SKIC3: variants seen among roughly 807,000 people sequenced by gnomAD.
The protein encoded by SKIC3 is SKI3 subunit of superkiller complex.
the SKIC3 span, among the ~76,000 whole-genome samples, chr5:95,470,788 T>C: frequency 6.7e-6 from 1 of 148,610 alleles, no homozygotes; most frequent in Non-Finnish European, 1.5e-5. Flanking sequence ...TTATTCTCTC[T>C]CATATTAGGT....
the SKIC3 span, among the ~76,000 whole-genome samples, chr5:95,542,802 C>G: frequency 6.6e-6 from 1 of 152,142 alleles, no homozygotes; most frequent in Non-Finnish European, 1.5e-5. Context: ...AACTTGCACT[C>G]AAAGATAGAA....
the SKIC3 span, among the ~76,000 whole-genome samples, chr5:95,529,560 T>C: frequency 6.6e-6 from 1 of 152,192 alleles, no homozygotes; most frequent in Non-Finnish European, 1.5e-5. Flanking sequence ...TGCAGTTCTC[T>C]GAACAACAGT....
At chr5:95,494,005 T>C in the SKIC3 span, among the ~76,000 whole-genome samples, 1 of 152,042 alleles carries the variant, frequency 6.6e-6, no homozygotes, top group Non-Finnish European at 1.5e-5. Flanking sequence ...TTCTAACAGT[T>C]ACCACATAAG....
At chr5:95,542,613 T>C in the SKIC3 span, among the ~76,000 whole-genome samples, 1 of 152,198 alleles carries the variant, frequency 6.6e-6, no homozygotes, top group Non-Finnish European at 1.5e-5. Context: ...TTACCAGATA[T>C]CCTCAAGTTC....
At chr5:95,529,593 TCA>T in the SKIC3 span, among the ~76,000 whole-genome samples, 1 of 152,176 alleles carries the variant, frequency 6.6e-6, no homozygotes, top group South Asian at 2.1e-4. Context: ...TCAGGCTATT[TCA>T]CAGATTCATC....
chr5:95,470,139 G>A, the SKIC3 span, among the ~76,000 whole-genome samples: 52 of 151,722 alleles, frequency 3.4e-4, no homozygotes, highest in Admixed American at 1.7e-3. Flanking sequence ...CACCACACCC[G>A]GCTAATTTTT....
chr5:95,495,665 C>G, the SKIC3 span, among the ~76,000 whole-genome samples: 4 of 152,110 alleles, frequency 2.6e-5, no homozygotes, highest in Non-Finnish European at 4.4e-5. Context: ...AACTTACTCA[C>G]TAAAAATAAC....
At chr5:95,553,475 C>T in the SKIC3 span, among the ~76,000 whole-genome samples, 2 of 152,162 alleles carry the variant, frequency 1.3e-5, no homozygotes, top group Admixed American at 6.5e-5. Context: ...ACCTTCCGTG[C>T]TGTATTATTA....
chr5:95,467,732 ACACT>A, the SKIC3 span: 1 of 1,272,788 alleles, frequency 7.9e-7, no homozygotes, highest in Non-Finnish European at 1.1e-6. Flanking sequence ...AAAAAATTAC[ACACT>A]CAGTTTTTAA....
chr5:95,509,702 A>C, the SKIC3 span: 26 of 1,548,604 alleles, frequency 1.7e-5, no homozygotes, highest in Non-Finnish European at 5.4e-6. Flanking sequence ...AAAATGAGAA[A>C]TATCTTCATT....
At chr5:95,513,380 T>TG in the SKIC3 span, 63,779 of 577,018 alleles carry the variant, frequency 0.11, 4,992 homozygotes, top group African/African-American at 0.3. Context: ...ATTTTTAATT[T>TG]TTTTTTTTAA....
the SKIC3 span, chr5:95,478,559 G>A: frequency 3.6e-6 from 5 of 1,392,952 alleles, no homozygotes; most frequent in Non-Finnish European, 5.0e-6. Context: ...TTAGTTATTG[G>A]TAAGTTCTGT....
chr5:95,468,098 T>C, the SKIC3 span: 1 of 1,374,380 alleles, frequency 7.3e-7, no homozygotes, highest in Non-Finnish European at 1.0e-6. Context: ...GCAGATGTAG[T>C]GTCTGATTAT....
the SKIC3 span, among the ~76,000 whole-genome samples, chr5:95,502,375 G>C: frequency 6.6e-6 from 1 of 152,120 alleles, no homozygotes; most frequent in East Asian, 1.9e-4. Context: ...CTTCAGTGAA[G>C]TTAAATAGTA....
chr5:95,498,677 G>C, the SKIC3 span: 4 of 1,256,966 alleles, frequency 3.2e-6, no homozygotes, highest in Non-Finnish European at 4.5e-6. Flanking sequence ...CCAGGCTGGA[G>C]TGCAGTGGCA....
chr5:95,534,763 T>C, the SKIC3 span, among the ~76,000 whole-genome samples: 1 of 152,140 alleles, frequency 6.6e-6, no homozygotes, highest in African/African-American at 2.4e-5. Context: ...AGTACAGTTC[T>C]CAGTATTTTT....
chr5:95,530,208 T>C, the SKIC3 span: 2 of 1,613,550 alleles, frequency 1.2e-6, no homozygotes, highest in Non-Finnish European at 1.7e-6. Flanking sequence ...ACAATACTGC[T>C]GCCCCTCATC....
the SKIC3 span, chr5:95,512,596 G>T: frequency 6.2e-7 from 1 of 1,613,852 alleles, no homozygotes; most frequent in Non-Finnish European, 8.5e-7. Context: ...GACCCAATAC[G>T]CATAACCTAA....
the SKIC3 span, chr5:95,514,881 A>G: frequency 6.2e-7 from 1 of 1,612,534 alleles, no homozygotes; most frequent in South Asian, 1.1e-5. Context: ...ATTAAATAAG[A>G]TGGATCAAGG....
Sources: allele counts gnomAD v4.1 joint callset (sites outside exome capture counted in the v4.1 genomes callset), GRCh38; gene constraint gnomAD v4.1.1; transcripts MANE v1.5; gene names NCBI Gene and HGNC (gene_info 2026-07-23, HGNC 2026-07-21).